The following CASR variants were observed in gnomAD, a reference collection of about 807,000 sequenced individuals.
The protein encoded by CASR is extracellular calcium-sensing receptor.
CASR carries 23 observed loss-of-function variants against 69.1 expected under a neutral mutation model. The observed-to-expected ratio is 0.33, with a 90% CI of 0.24 to 0.47. The LOEUF (loss-of-function observed/expected upper bound fraction) is 0.47. Ranked by LOEUF, CASR falls within the 20% of genes least tolerant of loss-of-function variation. CASR has a pLI of 1.00. For synonymous variants in CASR, 541 were observed against 544.7 expected, an observed-to-expected ratio of 0.99 and a Z score of 0.10; for missense variants, 924 against 1,356.1, an observed-to-expected ratio of 0.68 and a Z score of 5.00.
At chr3:122,272,179 T>A (rs1040263538) in intron 4 of CASR, among the ~76,000 whole-genome samples, 1 of 152,044 alleles carries the variant, frequency 6.6e-6, no homozygotes, top group South Asian at 2.1e-4. Context: ...TTTAAGGAAC[T>A]GCCAGACGTT....
At position 122,291,168 on chromosome 3, in the gene CASR, T is replaced by C. The variant is rs2075009377; in HGVS notation, c.*5977T>C. The C allele has an allele frequency of 6.7e-6, 1 of 149,062 alleles. No homozygotes were observed. Among genetic ancestry groups the C allele is most frequent in the South Asian group, 2.2e-4 (1 of 4,558 alleles). The allele number at this position is 149,062 out of a possible 1,614,324, so 9.2% of individuals were successfully genotyped here. ...GGTTGGTTCCAAGTCTTTGCTATTG[T>C]GAATAGTGCCACAATAAACATATGT... On this transcript the variant is annotated 3_prime_UTR_variant, in exon 7 of 7. Transcript: ENST00000639785.
intron 1 of CASR, among the ~76,000 whole-genome samples, chr3:122,223,903 G>T (rs767186436): frequency 2.0e-5 from 3 of 152,148 alleles, no homozygotes; most frequent in Non-Finnish European, 4.4e-5. Flanking sequence ...ATCAATAAAT[G>T]CAATTTCCCA....
intron 4 of CASR, among the ~76,000 whole-genome samples, chr3:122,267,208 C>T (rs2074705021): frequency 6.6e-6 from 1 of 151,982 alleles, no homozygotes; most frequent in African/African-American, 2.4e-5. Context: ...AATAAAACGC[C>T]CAAATGCAAA....
Position 122,252,454 on chromosome 3 carries a change from G to GAA in CASR, c.-242-1491_-242-1490dup, listed in dbSNP as rs377212258. Among the ~76,000 whole-genome samples the GAA allele has an allele frequency of 4.4e-5, 2 of 45,068 alleles. 1 individual carries two copies. The highest frequency in any genetic ancestry group is 5.5e-4 in the Admixed American group (2 of 3,642). The allele number at this position is 45,068 out of a possible 152,430, so 29.6% of individuals were successfully genotyped here. On this transcript the variant is annotated intron_variant, in intron 1 of 6. Transcript: ENST00000639785. ...GAAAGAAAGAAAGAAAGAAAAAAAA[G>GAA]AAAAGAAAGAAAAGAAAAGAAGGGA...
chr3:122,189,577 A>G (rs1012184026), intron 1 of CASR, among the ~76,000 whole-genome samples: 2 of 152,338 alleles, frequency 1.3e-5, no homozygotes, highest in Non-Finnish European at 2.9e-5. Context: ...GGCAAAGGTA[A>G]TATGATACCT....
rs2107649731 is a variant in CASR, at chr3:122,283,943, C to T, written c.1989C>T (p.Ser663=). 6.2e-7 allele frequency: 1 copy of T among 1,613,640 alleles called. No homozygotes were observed. The highest frequency in any genetic ancestry group is 8.5e-7 in the Non-Finnish European group (1 of 1,179,940). Residue 663 remains serine, a synonymous_variant, in exon 7 of 7, where the codon TCC becomes TCT. Coordinates refer to ENST00000639785, the MANE Select transcript of CASR (RefSeq NM_000388.4). ...TCTTCTCCCTGCTCTGCTGCTTCTC[C>T]AGCTCCCTGTTCTTCATCGGGGAGC... ...LLLFSLLCCF[S]SSLFFIGEPQ...
Position 122,262,415 on chromosome 3 carries a change from G to A in CASR, c.1377+3G>A, listed in dbSNP as rs199824580. On this transcript the variant is annotated splice_donor_region_variant and intron_variant, in intron 4 of 6. Coordinates refer to ENST00000639785, the MANE Select transcript of CASR (RefSeq NM_000388.4). ...TCAAGAAAGTTGAGGCGTGGCAGGT[G>A]CGTCCTTCACTTATATAGCAATTTG... 2 of 1,610,250 alleles carry A rather than the reference G, an allele frequency of 1.2e-6. No individual in the cohort carries two copies. The highest frequency in any genetic ancestry group is 1.1e-5 in the South Asian group (1 of 91,082).
intron 1 of CASR, among the ~76,000 whole-genome samples, chr3:122,226,109 G>T (rs2074219884): frequency 6.6e-6 from 1 of 152,146 alleles, no homozygotes; most frequent in Admixed American, 6.5e-5. Context: ...GTCTGGAATT[G>T]GTGGGCTCTT....
intron 1 of CASR, among the ~76,000 whole-genome samples, chr3:122,239,326 T>A (rs2074358553): frequency 6.6e-6 from 1 of 152,212 alleles, no homozygotes; most frequent in Admixed American, 6.5e-5. Context: ...GAGGGGCTCC[T>A]CTGCCTGTGG....
rs370516116 is a variant in CASR at position 122,227,299 on chromosome 3, G to T, written c.-242-26649G>T. Reference sequence around the variant, plus strand: ...TCAGGGAGGCTCCCGCCACACAGGAGCCCATGGTGGGGGGTTGGGGTGGGG... The same window carrying T: ...TCAGGGAGGCTCCCGCCACACAGGATCCCATGGTGGGGGGTTGGGGTGGGG... On this transcript the variant is annotated intron_variant, in intron 1 of 6. Coordinates refer to ENST00000639785, the MANE Select transcript of CASR (RefSeq NM_000388.4). 3.9e-5 allele frequency among the ~76,000 whole-genome samples: 6 copies of T among 152,066 alleles called. No individual in the cohort carries two copies. The East Asian group carries it at 9.7e-4, about 25-fold the overall frequency.
intron 3 of CASR, among the ~76,000 whole-genome samples, chr3:122,260,805 A>AATAACT (rs1191228066): frequency 1.3e-5 from 2 of 152,162 alleles, no homozygotes; most frequent in African/African-American, 4.8e-5. Flanking sequence ...ATTGTGATAC[A>AATAACT]GGGGGATTGA....
chr3:122,261,171 G>C (rs1264225572), intron 3 of CASR, among the ~76,000 whole-genome samples: 1 of 152,194 alleles, frequency 6.6e-6, no homozygotes, highest in Non-Finnish European at 1.5e-5. Flanking sequence ...GCACAGAGGA[G>C]GTTAGAGAAG....
intron 1 of CASR, among the ~76,000 whole-genome samples, chr3:122,225,704 C>T (rs1274541095): frequency 6.6e-6 from 1 of 152,072 alleles, no homozygotes; most frequent in Non-Finnish European, 1.5e-5. Context: ...ATCATTTGAC[C>T]CAGCAATCCC....
chr3:122,248,157 A>G (rs921598512), intron 1 of CASR, among the ~76,000 whole-genome samples: 2 of 152,160 alleles, frequency 1.3e-5, no homozygotes, highest in African/African-American at 2.4e-5. Flanking sequence ...GAGGGCCCTC[A>G]TTTTAAAACA....
At chr3:122,283,588 C>A in intron 6 of CASR, 99 bp from the exon 7 acceptor site, 6 of 924,700 alleles carry the variant, frequency 6.5e-6, no homozygotes, top group East Asian at 2.4e-5. Flanking sequence ...TATGTAGTGA[C>A]CACATCCAAA....
intron 2 of CASR, among the ~76,000 whole-genome samples, chr3:122,255,566 G>A (rs1046935108): frequency 3.3e-5 from 5 of 152,200 alleles, no homozygotes; most frequent in South Asian, 4.1e-4. Context: ...GCTGCACAGA[G>A]CTGTACATGT....
chr3:122,223,755 C>A (rs187125358), intron 1 of CASR, among the ~76,000 whole-genome samples: 144 of 152,248 alleles, frequency 9.5e-4, no homozygotes, highest in African/African-American at 3.3e-3. Context: ...AAACTTCAGA[C>A]AATATTCCTG....
At chr3:122,274,375 T>A (rs1403904514) in intron 4 of CASR, among the ~76,000 whole-genome samples, 1 of 152,266 alleles carries the variant, frequency 6.6e-6, no homozygotes, top group Non-Finnish European at 1.5e-5. Context: ...TATTCCTTAC[T>A]ATAAATAAAT....
chr3:122,263,846 G>T (rs879517442), intron 4 of CASR, among the ~76,000 whole-genome samples: 1 of 152,212 alleles, frequency 6.6e-6, no homozygotes, highest in Admixed American at 6.5e-5. Flanking sequence ...GTCTTCAGGA[G>T]TGATGATGCT....
Sources: gnomAD v4.1 joint callset for allele counts (sites outside exome capture counted in the v4.1 genomes callset) on GRCh38, gnomAD v4.1.1 for gene constraint, MANE v1.5 for transcripts, NCBI Gene and HGNC (gene_info 2026-07-23, HGNC 2026-07-21) for gene names.